SBF2: variants seen among roughly 807,000 people sequenced by gnomAD.
SBF2 encodes the protein myotubularin-related protein 13.
In SBF2, 112 loss-of-function variants were observed where a neutral mutation model predicts 225.2. The ratio of observed to expected loss-of-function variants is 0.50; its 90% CI spans 0.43 to 0.58. The LOEUF (loss-of-function observed/expected upper bound fraction) is 0.58. Among genes scored for constraint, SBF2 ranks in the 20% least tolerant of loss-of-function variants. The pLI, the probability that SBF2 is intolerant of heterozygous loss-of-function variation, is 0.00. For synonymous variants in SBF2, 763 were observed against 773.3 expected, an observed-to-expected ratio of 0.99 and a Z score of 0.22; for missense variants, 1,996 against 2,206.2, an observed-to-expected ratio of 0.90 and a Z score of 1.91.
chr11:10,157,762 C>T (rs898697710), intron 2 of SBF2, among the ~76,000 whole-genome samples: 1 of 152,190 alleles, frequency 6.6e-6, no homozygotes, highest in African/African-American at 2.4e-5. Flanking sequence ...CCCCTGCCCA[C>T]AGTCCATGAA....
At chr11:10,201,811 C>T (rs1195242671) in intron 1 of SBF2, among the ~76,000 whole-genome samples, 2 of 152,190 alleles carry the variant, frequency 1.3e-5, no homozygotes, top group Non-Finnish European at 2.9e-5. Flanking sequence ...GCCTGGCCAA[C>T]ATGGTGAAAC....
At chr11:10,033,042 G>A (rs1949317195) in intron 3 of SBF2, among the ~76,000 whole-genome samples, 1 of 152,138 alleles carries the variant, frequency 6.6e-6, no homozygotes. Context: ...GTATGATAGA[G>A]TCCATATGCT....
chr11:9,926,202 C>T (rs1261639358), intron 16 of SBF2, among the ~76,000 whole-genome samples: 2 of 152,220 alleles, frequency 1.3e-5, no homozygotes, highest in Admixed American at 1.3e-4. Context: ...TTCTACACTG[C>T]ATAAGTAGAA....
chr11:9,936,338 C>T (rs1470698695), intron 16 of SBF2, among the ~76,000 whole-genome samples: 1 of 152,162 alleles, frequency 6.6e-6, no homozygotes, highest in Admixed American at 6.5e-5. Flanking sequence ...AATAGGAATG[C>T]TTTTACACTG....
intron 1 of SBF2, among the ~76,000 whole-genome samples, chr11:10,232,531 G>A (rs1042078572): frequency 6.6e-6 from 1 of 151,508 alleles, no homozygotes; most frequent in African/African-American, 2.4e-5. Context: ...AAGTAGTAGG[G>A]TTTCTTTTTT....
intron 2 of SBF2, among the ~76,000 whole-genome samples, chr11:10,122,079 G>A (rs565948518): frequency 6.6e-6 from 1 of 152,140 alleles, no homozygotes; most frequent in African/African-American, 2.4e-5. Context: ...CTTCCTTTAA[G>A]TGTAAAAGTG....
chr11:9,829,552 G>GTATCTATCTATC (rs143416649), intron 27 of SBF2, 56 bp from the exon 28 acceptor site: 1 of 1,406,754 alleles, frequency 7.1e-7, no homozygotes, highest in Non-Finnish European at 1.0e-6. Context: ...AACAAAACAA[G>GTATCTATCTATC]TATCTATCTA....
rs557483769 is a variant in SBF2, at chr11:9,790,820, T to G, written c.4571-137A>C. 2.1e-5 allele frequency: 14 copies of G among 672,828 alleles called. No homozygotes were observed. In the South Asian group the frequency reaches 2.5e-4, roughly 12 times the overall value. 41.7% of individuals were successfully genotyped at this position (672,828 alleles called of 1,614,324 possible). On this transcript the variant is annotated intron_variant, in intron 33 of 39. Transcript: ENST00000256190. The stretch of plus-strand genomic sequence containing the variant: ...AACAGCAACATTTGTGTGAAAACCT[T>G]AGAAAATAACTGCAAAGCTAAAGAC...
chr11:10,295,470 G>A (rs1964474646), upstream of SBF2, among the ~76,000 whole-genome samples: 1 of 151,942 alleles, frequency 6.6e-6, no homozygotes, highest in Admixed American at 6.6e-5. Flanking sequence ...CACTAGAACT[G>A]AAACTGAAGG....
At chr11:10,249,737 G>A (rs541268940) in intron 1 of SBF2, among the ~76,000 whole-genome samples, 1 of 141,616 alleles carries the variant, frequency 7.1e-6, no homozygotes, top group South Asian at 2.3e-4. Context: ...TGCTATGGGG[G>A]AGTCCATAGC....
chr11:9,956,148 TAA>T (rs1463545437), intron 16 of SBF2, among the ~76,000 whole-genome samples: 3 of 152,312 alleles, frequency 2.0e-5, no homozygotes, highest in East Asian at 3.9e-4. Context: ...TAAGAAGATA[TAA>T]GTTATCCATT....
intron 29 of SBF2, among the ~76,000 whole-genome samples, chr11:9,815,430 C>A (rs528218977): frequency 1.3e-5 from 2 of 149,772 alleles, no homozygotes; most frequent in Non-Finnish European, 3.0e-5. Context: ...TCCAGCCTAG[C>A]GACAGAGTGA....
chr11:9,883,586 T>C (rs368889025), intron 17 of SBF2, among the ~76,000 whole-genome samples: 46 of 152,318 alleles, frequency 3.0e-4, no homozygotes, highest in East Asian at 1.5e-3. Flanking sequence ...AAGTGTTCAG[T>C]CAATGCTGGG....
At chr11:10,154,287 T>C (rs889750221) in intron 2 of SBF2, among the ~76,000 whole-genome samples, 2 of 152,156 alleles carry the variant, frequency 1.3e-5, no homozygotes, top group Non-Finnish European at 2.9e-5. Context: ...TGTTTGGAGA[T>C]TCTGGAAAGT....
chr11:10,222,452 T>C (rs572264348), intron 1 of SBF2, among the ~76,000 whole-genome samples: 1 of 152,108 alleles, frequency 6.6e-6, no homozygotes, highest in South Asian at 2.1e-4. Context: ...AATAACAAAG[T>C]AGAAATTCTA....
chr11:9,787,691 C>T lies in SBF2; in HGVS notation c.4980G>A (p.Trp1660Ter). Residue 1660 changes from tryptophan (W) to a stop codon, truncating the protein, a stop_gained, in exon 36 of 40, where the codon TGG (tryptophan) becomes TGA (stop). Coordinates refer to ENST00000256190, the MANE Select transcript of SBF2 (RefSeq NM_030962.4). LOFTEE classifies it high-confidence loss of function. ...CGGTTACCCTTTCCCACAGCTGCTG[C>T]CACTTCTCAGGGGCTTGGTTCAATT... ...EHKLNQAPEK[W>*]QQLWERVTVD... is the part of the protein sequence containing the mutation. 1 of 1,614,230 alleles carries T rather than the reference C, an allele frequency of 6.2e-7. No homozygotes were observed. The highest frequency in any genetic ancestry group is 8.5e-7 in the Non-Finnish European group (1 of 1,180,048).
intron 2 of SBF2, among the ~76,000 whole-genome samples, chr11:10,055,820 G>C (rs968823806): frequency 6.6e-6 from 1 of 151,896 alleles, no homozygotes; most frequent in Non-Finnish European, 1.5e-5. Context: ...ACTACCTATT[G>C]GGTACATAGT....
intron 16 of SBF2, chr11:9,956,675 G>A (rs1308063473): frequency 6.6e-6 from 1 of 150,680 alleles, no homozygotes; most frequent in African/African-American, 2.4e-5. Context: ...TGAGCATACT[G>A]TACTTGGCGA....
At chr11:9,994,577 C>T (rs7931470) in intron 9 of SBF2, among the ~76,000 whole-genome samples, 8 of 134,100 alleles carry the variant, frequency 6.0e-5, no homozygotes, top group East Asian at 4.9e-4. Context: ...TATATATGTA[C>T]ATATATATAT....
Sources: allele counts gnomAD v4.1 joint callset (sites outside exome capture counted in the v4.1 genomes callset), GRCh38; gene constraint gnomAD v4.1.1; transcripts MANE v1.5; gene names NCBI Gene and HGNC (gene_info 2026-07-23, HGNC 2026-07-21).